The following CSMD1 variants were observed in gnomAD, a reference collection of about 807,000 sequenced individuals.
CSMD1 encodes the protein CUB and sushi domain-containing protein 1.
Under a neutral mutation model 417.5 loss-of-function variants are expected in CSMD1, and 213 were observed. The observed-to-expected ratio is 0.51, with a 90% CI of 0.46 to 0.57. CSMD1 has a LOEUF of 0.57. CSMD1 is among the 20% of genes least tolerant of loss of function. CSMD1 has a pLI of 0.00. For synonymous variants in CSMD1, 2,862 were observed against 1,736.8 expected (o/e 1.65, Z -16.11); for missense variants, 6,923 against 4,529.7 (o/e 1.53, Z -15.17).
At chr8:4,295,752 A>G (rs10091579) in intron 3 of CSMD1, among the ~76,000 whole-genome samples, 111,102 of 124,512 alleles carry the variant, frequency 0.89, 48,877 homozygotes, top group East Asian at 0.98. Flanking sequence ...GTGTGTGTGT[A>G]TATATATATA....
intron 1 of CSMD1, among the ~76,000 whole-genome samples, chr8:4,798,756 T>C (rs1487262856): frequency 2.0e-5 from 3 of 152,210 alleles, no homozygotes; most frequent in Non-Finnish European, 4.4e-5. Flanking sequence ...TGTAACATTA[T>C]GCTGATAAAA....
chr8:4,769,356 T>G (rs1203212297), intron 1 of CSMD1, among the ~76,000 whole-genome samples: 1 of 152,224 alleles, frequency 6.6e-6, no homozygotes. Context: ...TACTATGGGT[T>G]TTATTCAATG....
intron 7 of CSMD1, among the ~76,000 whole-genome samples, chr8:3,696,491 G>A (rs1056116912): frequency 3.9e-5 from 6 of 152,270 alleles, no homozygotes; most frequent in South Asian, 2.1e-4. Context: ...TGAACCCAAC[G>A]GATGTGACGA....
At chr8:3,811,172 C>G (rs750881382) in intron 5 of CSMD1, among the ~76,000 whole-genome samples, 1 of 152,104 alleles carries the variant, frequency 6.6e-6, no homozygotes, top group Non-Finnish European at 1.5e-5. Context: ...ACTGTGAGAT[C>G]TGAATTCTTT....
rs35321077 is a variant in CSMD1, at chr8:3,493,312, AGGG to A, written c.1448+308_1448+310del. ...CTGTCTCAAAAAAAAAAAAAAAAAA[AGGG>A]GGGGCGGAGGGGTTGATTTGAAAAA... On this transcript the variant is annotated intron_variant, in intron 11 of 69. Transcript: ENST00000635120. 3.2e-3 allele frequency among the ~76,000 whole-genome samples: 402 copies of A among 126,340 alleles called. 4 individuals are homozygous for A. The highest frequency in any genetic ancestry group is 0.017 in the South Asian group (69 of 4,040). 82.9% of individuals were successfully genotyped at this position (126,340 alleles called of 152,430 possible). A position where few individuals can be genotyped will look rare whatever the true frequency, so the allele number is the denominator to read the frequency against.
intron 3 of CSMD1, among the ~76,000 whole-genome samples, chr8:4,281,122 C>G (rs1187615110): frequency 6.6e-6 from 1 of 152,176 alleles, no homozygotes; most frequent in Non-Finnish European, 1.5e-5. Context: ...TCTGCTGGCC[C>G]CTAGGTGGCA....
intron 37 of CSMD1, among the ~76,000 whole-genome samples, chr8:3,175,483 T>TCCTTCCTTCCTGCCTGCCTG (rs1182066839): frequency 2.5e-5 from 3 of 121,588 alleles, no homozygotes; most frequent in Admixed American, 9.1e-5. Context: ...TTCCCTTCCT[T>TCCTTCCTTCCTGCCTGCCTG]CCTGCCTGCC....
chr8:4,754,456 T>G (rs752555891), intron 1 of CSMD1, among the ~76,000 whole-genome samples: 5 of 152,082 alleles, frequency 3.3e-5, no homozygotes, highest in Non-Finnish European at 7.4e-5. Flanking sequence ...CTTCCCAAAT[T>G]AGCATCTGTG....
chr8:4,275,210 T>A, intron 3 of CSMD1, among the ~76,000 whole-genome samples: 1 of 152,280 alleles, frequency 6.6e-6, no homozygotes, highest in East Asian at 1.9e-4. Flanking sequence ...TAAATTATTG[T>A]CTAGTTTGTT....
chr8:3,852,262 C>A (rs1283365628), intron 5 of CSMD1, among the ~76,000 whole-genome samples: 1 of 152,058 alleles, frequency 6.6e-6, no homozygotes, highest in African/African-American at 2.4e-5. Flanking sequence ...GGTAACCATC[C>A]TGTAGGCAGT....
intron 7 of CSMD1, among the ~76,000 whole-genome samples, chr8:3,693,436 C>T (rs1357171233): frequency 1.3e-5 from 2 of 151,948 alleles, no homozygotes; most frequent in East Asian, 3.9e-4. Flanking sequence ...GGTGGGCTGA[C>T]TTAGCTGGGT....
chr8:3,796,498 T>G (rs1585013561), intron 5 of CSMD1, among the ~76,000 whole-genome samples: 1 of 144,142 alleles, frequency 6.9e-6, no homozygotes, highest in East Asian at 2.0e-4. Flanking sequence ...CATGTATAGA[T>G]ATAGATATAT....
chr8:4,312,244 T>G (rs1223013237), intron 3 of CSMD1, among the ~76,000 whole-genome samples: 1 of 151,692 alleles, frequency 6.6e-6, no homozygotes, highest in Non-Finnish European at 1.5e-5. Flanking sequence ...ACTGATCATA[T>G]TGCAATCCTA....
At chr8:3,793,445 C>A (rs1472762441) in intron 5 of CSMD1, among the ~76,000 whole-genome samples, 1 of 152,086 alleles carries the variant, frequency 6.6e-6, no homozygotes, top group African/African-American at 2.4e-5. Context: ...AAGAACTCCC[C>A]TTTCTAGTAA....
At chr8:4,752,821 G>C (rs1024067037) in intron 1 of CSMD1, among the ~76,000 whole-genome samples, 8 of 152,152 alleles carry the variant, frequency 5.3e-5, no homozygotes, top group African/African-American at 1.9e-4. Context: ...AAAGAAGGAT[G>C]GAGGCAAAGT....
intron 49 of CSMD1, among the ~76,000 whole-genome samples, chr8:3,075,854 A>C (rs1483632552): frequency 1.3e-5 from 2 of 150,816 alleles, no homozygotes; most frequent in Non-Finnish European, 3.0e-5. Context: ...ATCCTGGGTA[A>C]CATGGGGAAA....
chr8:3,038,779 A>C (rs906671942), intron 50 of CSMD1, among the ~76,000 whole-genome samples: 1 of 152,188 alleles, frequency 6.6e-6, no homozygotes, highest in Admixed American at 6.5e-5. Context: ...ATATATCCAC[A>C]TACTCAAGCG....
chr8:4,053,635 T>C (rs1466440301), intron 3 of CSMD1, among the ~76,000 whole-genome samples: 2 of 152,136 alleles, frequency 1.3e-5, no homozygotes, highest in Non-Finnish European at 2.9e-5. Context: ...TCATTTGTCT[T>C]GCATAGAGTG....
chr8:4,346,708 G>A lies in CSMD1; in HGVS notation c.415+73245C>T, dbSNP rs144531123. Among the ~76,000 whole-genome samples, 14 of 152,014 alleles carry A rather than the reference G, an allele frequency of 9.2e-5. No individual in the cohort carries two copies. The East Asian group carries it at 1.5e-3, about 17-fold the overall frequency. ...CGTATGAGTGCTAGTCAGAAATGTCGTATTATTTATAATTATATTTTAGAT... is the reference window on the plus strand; with the variant it reads ...CGTATGAGTGCTAGTCAGAAATGTCATATTATTTATAATTATATTTTAGAT... On this transcript the variant is annotated intron_variant, in intron 3 of 69. Coordinates refer to ENST00000635120, the MANE Select transcript of CSMD1 (RefSeq NM_033225.6).
Sources: gnomAD v4.1 joint callset for allele counts (sites outside exome capture counted in the v4.1 genomes callset) on GRCh38, gnomAD v4.1.1 for gene constraint, MANE v1.5 for transcripts, NCBI Gene and HGNC (gene_info 2026-07-23, HGNC 2026-07-21) for gene names.